KCNT1: variants seen among roughly 807,000 people sequenced by gnomAD.
The protein encoded by KCNT1 is potassium channel subfamily T member 1.
KCNT1 carries 78 observed loss-of-function variants against 147.8 expected under a neutral mutation model. The ratio of observed to expected loss-of-function variants is 0.53; its 90% CI spans 0.44 to 0.64. KCNT1 has a LOEUF of 0.64. KCNT1 is among the 30% of genes least tolerant of loss of function. The probability of loss-of-function intolerance (pLI) is 0.00; values close to 1 mark genes in which losing one functional copy is unlikely to be tolerated. For missense variants in KCNT1, 1,419 were observed against 1,750.3 expected (o/e 0.81, Z 3.38); for synonymous variants, 867 against 748.8 (o/e 1.16, Z -2.58).
At chr9:135,743,245 G>A (rs1373179489) in intron 2 of KCNT1, among the ~76,000 whole-genome samples, 7 of 152,114 alleles carry the variant, frequency 4.6e-5, no homozygotes, top group Non-Finnish European at 8.8e-5. Flanking sequence ...CTGAGCCGCC[G>A]GGGCTCTGCC....
At chr9:135,766,841 C>T (rs1832323880) in intron 13 of KCNT1, 1 of 152,216 alleles carries the variant, frequency 6.6e-6, no homozygotes, top group South Asian at 2.1e-4. Context: ...GCTCCACCTT[C>T]CCCTGCTCCA....
At chr9:135,789,694 G>C (rs571210851) in intron 29 of KCNT1, 2 of 152,394 alleles carry the variant, frequency 1.3e-5, no homozygotes, top group East Asian at 3.9e-4. Context: ...GAAGCGGGTT[G>C]GGGGGCGAGC....
chr9:135,767,147 C>T (rs1210473503), intron 13 of KCNT1, among the ~76,000 whole-genome samples: 1 of 152,160 alleles, frequency 6.6e-6, no homozygotes, highest in Non-Finnish European at 1.5e-5. Flanking sequence ...CTCTCCTCAT[C>T]ACTCCCCCTC....
chr9:135,781,180 G>A (rs1479693599), intron 24 of KCNT1, among the ~76,000 whole-genome samples: 2 of 152,228 alleles, frequency 1.3e-5, no homozygotes, highest in East Asian at 3.8e-4. Context: ...CCAGTCATGC[G>A]ATTCCGTGGC....
chr9:135,731,981 TATATATATATAG>T (rs1479032985), intron 2 of KCNT1, among the ~76,000 whole-genome samples: 13 of 26,560 alleles, frequency 4.9e-4, no homozygotes, highest in African/African-American at 1.1e-3. Context: ...TATATATATA[TATATATATATAG>T]AGAGAGAGAG....
intron 24 of KCNT1, among the ~76,000 whole-genome samples, chr9:135,782,812 C>A (rs981316837): frequency 6.6e-6 from 1 of 152,252 alleles, no homozygotes; most frequent in Non-Finnish European, 1.5e-5. Flanking sequence ...CAAATCACCA[C>A]GATTGCAAAC....
intron 15 of KCNT1, among the ~76,000 whole-genome samples, chr9:135,769,307 GCA>G (rs1832579534): frequency 6.6e-6 from 1 of 151,796 alleles, no homozygotes; most frequent in African/African-American, 2.4e-5. Context: ...GGGCGCGTGT[GCA>G]CACGTGGGTG....
At chr9:135,784,953 C>A in intron 27 of KCNT1, 64 bp downstream of exon 27, 1 of 1,574,042 alleles carries the variant, frequency 6.4e-7, no homozygotes, top group Non-Finnish European at 8.6e-7. Flanking sequence ...CACAGCATCC[C>A]CACCTTCCGG....
At chr9:135,780,289 C>T (rs949252377) in intron 24 of KCNT1, among the ~76,000 whole-genome samples, 1 of 152,226 alleles carries the variant, frequency 6.6e-6, no homozygotes, top group Non-Finnish European at 1.5e-5. Context: ...CCGAGCTCAC[C>T]GGTCTGGGCT....
intron 29 of KCNT1, chr9:135,791,056 G>C (rs1280180937): frequency 6.6e-6 from 1 of 152,518 alleles, no homozygotes; most frequent in African/African-American, 2.4e-5. Context: ...CCCATGAGGG[G>C]CAGAGGCCAT....
chr9:135,750,712 C>A, intron 3 of KCNT1: 2 of 585,460 alleles, frequency 3.4e-6, no homozygotes, highest in Non-Finnish European at 6.1e-6. Context: ...CCCCTGCACC[C>A]CAAGTTCAGG....
At chr9:135,777,221 G>T in intron 20 of KCNT1, 117 bp from the exon 21 acceptor site, 1 of 1,120,338 alleles carries the variant, frequency 8.9e-7, no homozygotes, top group Non-Finnish European at 1.3e-6. Flanking sequence ...GCTGTGGGCC[G>T]AGAGGCTAAC....
intron 13 of KCNT1, among the ~76,000 whole-genome samples, chr9:135,766,414 C>T (rs537023961): frequency 1.8e-4 from 28 of 151,570 alleles, no homozygotes; most frequent in Non-Finnish European, 3.4e-4. Flanking sequence ...CAAGGTGGAC[C>T]ATCTAGGGTG....
At chr9:135,735,549 G>A (rs969762794) in intron 2 of KCNT1, among the ~76,000 whole-genome samples, 3 of 152,194 alleles carry the variant, frequency 2.0e-5, no homozygotes, top group African/African-American at 7.2e-5. Context: ...GGGGATTCAG[G>A]GTGGGGGAAC....
chr9:135,729,629 A>G lies in KCNT1; in HGVS notation c.254+14909A>G, dbSNP rs553282327. Among the ~76,000 whole-genome samples the G allele has an allele frequency of 1.8e-4, 28 of 152,226 alleles. No homozygotes were observed. In the South Asian group the frequency reaches 1.9e-3, roughly 10 times the overall value. ...ACGCAACAGAGGTAGCACGTACACC[A>G]GGCCTCTCGTCCTGCAGAAGTTTCC... is the stretch of plus-strand genomic sequence containing the variant. On this transcript the variant is annotated intron_variant, in intron 2 of 30. Coordinates refer to ENST00000371757, the MANE Select transcript of KCNT1 (RefSeq NM_020822.3).
chr9:135,767,335 A>G (rs1832354510), intron 13 of KCNT1, among the ~76,000 whole-genome samples: 1 of 152,216 alleles, frequency 6.6e-6, no homozygotes, highest in East Asian at 1.9e-4. Flanking sequence ...CTGTGGGTAC[A>G]GGGCCTGGGG....
chr9:135,758,893 C>T (rs1433429904), intron 10 of KCNT1, among the ~76,000 whole-genome samples: 1 of 151,848 alleles, frequency 6.6e-6, no homozygotes, highest in Non-Finnish European at 1.5e-5. Context: ...CTGCGAGGGC[C>T]TCCAGCCCAC....
chr9:135,777,559 C>G (rs1473823614), intron 21 of KCNT1, 49 bp downstream of exon 21: 6 of 1,560,816 alleles, frequency 3.8e-6, no homozygotes, highest in Non-Finnish European at 5.2e-6. Flanking sequence ...GCCCTCAGAC[C>G]TGCAGCCAGC....
At chr9:135,757,851 G>A (rs535415116) in intron 9 of KCNT1, among the ~76,000 whole-genome samples, 9 of 152,140 alleles carry the variant, frequency 5.9e-5, no homozygotes, top group South Asian at 2.1e-4. Context: ...TTCCCTAGGC[G>A]CCCACCCTCT....
Sources: allele counts gnomAD v4.1 joint callset (sites outside exome capture counted in the v4.1 genomes callset), GRCh38; gene constraint gnomAD v4.1.1; transcripts MANE v1.5; gene names NCBI Gene and HGNC (gene_info 2026-07-23, HGNC 2026-07-21).